EIF4G3: variants seen among roughly 807,000 people sequenced by gnomAD.
EIF4G3 encodes the protein eukaryotic translation initiation factor 4 gamma 3, also known as eIF-4-gamma 3.
In EIF4G3, 34 loss-of-function variants were observed where a neutral mutation model predicts 186.4. The observed-to-expected ratio is 0.18, with a 90% CI of 0.14 to 0.24. The LOEUF is 0.24. EIF4G3 is among the 10% of genes least tolerant of loss of function. EIF4G3 has a pLI of 1.00. For missense variants in EIF4G3, 1,536 were observed against 1,948.5 expected (o/e 0.79, Z 3.99); for synonymous variants, 673 against 679.5 (o/e 0.99, Z 0.15).
intron 2 of EIF4G3, among the ~76,000 whole-genome samples, chr1:21,155,042 T>C (rs2097620413): frequency 2.0e-5 from 3 of 151,828 alleles, no homozygotes; most frequent in Admixed American, 2.0e-4. Flanking sequence ...GCGGGTGGAT[T>C]ACTTGAGGTC....
chr1:21,008,195 T>C (rs1310463251), intron 4 of EIF4G3, among the ~76,000 whole-genome samples: 1 of 152,214 alleles, frequency 6.6e-6, no homozygotes, highest in African/African-American at 2.4e-5. Flanking sequence ...AAGTCTGCTA[T>C]TTTATAGAGT....
chr1:20,910,607 C>T (rs1158136761), intron 14 of EIF4G3, among the ~76,000 whole-genome samples: 1 of 151,926 alleles, frequency 6.6e-6, no homozygotes, highest in Admixed American at 6.6e-5. Flanking sequence ...AAAAACAAAA[C>T]AAAACAAAAA....
intron 22 of EIF4G3, among the ~76,000 whole-genome samples, chr1:20,863,340 C>G (rs1395504362): frequency 1.4e-5 from 2 of 140,278 alleles, no homozygotes; most frequent in Non-Finnish European, 1.5e-5. Flanking sequence ...TAAGACCAGC[C>G]TAGGCAACTA....
At chr1:21,153,884 T>C (rs2097590088) in intron 2 of EIF4G3, among the ~76,000 whole-genome samples, 1 of 151,972 alleles carries the variant, frequency 6.6e-6, no homozygotes, top group Admixed American at 6.6e-5. Context: ...TTCATTATAC[T>C]TCAAACAACA....
intron 3 of EIF4G3, among the ~76,000 whole-genome samples, chr1:21,074,284 A>G (rs1457566382): frequency 6.6e-6 from 1 of 152,072 alleles, no homozygotes; most frequent in African/African-American, 2.4e-5. Context: ...CTCAACCCTC[A>G]CCAGCTGTGG....
chr1:20,832,692 A>G (rs1462233585), intron 30 of EIF4G3, among the ~76,000 whole-genome samples: 129 of 150,406 alleles, frequency 8.6e-4, no homozygotes, highest in African/African-American at 2.9e-3. Context: ...GCCCGTGCCT[A>G]TGTCCTGAAT....
At chr1:20,989,428 A>T (rs2080475997) in intron 7 of EIF4G3, among the ~76,000 whole-genome samples, 1 of 151,380 alleles carries the variant, frequency 6.6e-6, no homozygotes, top group African/African-American at 2.4e-5. Flanking sequence ...ATGGTGGGAG[A>T]TGCCTGTAAT....
intron 4 of EIF4G3, among the ~76,000 whole-genome samples, chr1:21,010,140 T>G (rs962314621): frequency 6.6e-6 from 1 of 152,056 alleles, no homozygotes; most frequent in African/African-American, 2.4e-5. Context: ...TCAATTTAAA[T>G]TTTGTGGTAG....
At chr1:21,041,682 A>G (rs992096164) in intron 4 of EIF4G3, among the ~76,000 whole-genome samples, 10 of 152,250 alleles carry the variant, frequency 6.6e-5, no homozygotes, top group African/African-American at 2.4e-4. Flanking sequence ...CATGAAAAGT[A>G]TAACAAAATG....
At chr1:20,871,135 C>T (rs2079088252) in intron 20 of EIF4G3, among the ~76,000 whole-genome samples, 1 of 152,112 alleles carries the variant, frequency 6.6e-6, no homozygotes, top group African/African-American at 2.4e-5. Context: ...TAGGATTCAC[C>T]TAATCACTGC....
intron 2 of EIF4G3, among the ~76,000 whole-genome samples, chr1:21,149,377 A>C (rs1468793565): frequency 6.6e-6 from 1 of 151,976 alleles, no homozygotes; most frequent in Non-Finnish European, 1.5e-5. Flanking sequence ...ATGATCACAT[A>C]TGGCTTTTCT....
At chr1:20,869,171 G>GC (rs2078402141) in intron 20 of EIF4G3, among the ~76,000 whole-genome samples, 1 of 152,160 alleles carries the variant, frequency 6.6e-6, no homozygotes, top group African/African-American at 2.4e-5. Flanking sequence ...GCAACCCATG[G>GC]CCCAGCAGTA....
At chr1:20,900,695 A>G (rs2090008434) in intron 15 of EIF4G3, among the ~76,000 whole-genome samples, 1 of 152,144 alleles carries the variant, frequency 6.6e-6, no homozygotes, top group African/African-American at 2.4e-5. Context: ...AAACTCCTTG[A>G]GGCAAAGTTC....
chr1:21,139,344 C>T (rs7528643), intron 2 of EIF4G3, among the ~76,000 whole-genome samples: 1 of 151,974 alleles, frequency 6.6e-6, no homozygotes, highest in African/African-American at 2.4e-5. Context: ...AATCCCAGAA[C>T]ATTGGGAGGC....
chr1:20,975,225 T>A (rs1267831242), intron 10 of EIF4G3, among the ~76,000 whole-genome samples: 2 of 152,172 alleles, frequency 1.3e-5, no homozygotes, highest in African/African-American at 4.8e-5. Context: ...AATTATGTGC[T>A]ACTTTATTAT....
At chr1:21,131,969 C>CA (rs968646479) in intron 2 of EIF4G3, among the ~76,000 whole-genome samples, 2 of 144,990 alleles carry the variant, frequency 1.4e-5, no homozygotes, top group Admixed American at 6.9e-5. Context: ...GACACTGTCT[C>CA]AAAAAAAAAA....
chr1:20,916,569 C>A (rs1043336236), intron 14 of EIF4G3, among the ~76,000 whole-genome samples: 1 of 152,000 alleles, frequency 6.6e-6, no homozygotes, highest in Non-Finnish European at 1.5e-5. Flanking sequence ...CAAATTTCAA[C>A]TGTCTTTTTT....
chr1:21,171,938 G>C (rs1478421508), intron 2 of EIF4G3, among the ~76,000 whole-genome samples: 2 of 152,154 alleles, frequency 1.3e-5, no homozygotes, highest in African/African-American at 2.4e-5. Context: ...CCAAAGTCTA[G>C]TATTAAAAGG....
chr1:21,029,466 G>A (rs755053098), intron 4 of EIF4G3, among the ~76,000 whole-genome samples: 9 of 146,812 alleles, frequency 6.1e-5, no homozygotes, highest in Admixed American at 3.4e-4. Context: ...AAATTGAGTC[G>A]GGGGGGGGAA....
Sources: allele counts gnomAD v4.1 joint callset (sites outside exome capture counted in the v4.1 genomes callset), GRCh38; gene constraint gnomAD v4.1.1; transcripts MANE v1.5; gene names NCBI Gene and HGNC (gene_info 2026-07-23, HGNC 2026-07-21).